The following PHACTR3 variants were observed in gnomAD, a reference collection of about 807,000 sequenced individuals.
The protein encoded by PHACTR3 is phosphatase and actin regulator 3.
A neutral mutation model predicts 66.8 loss-of-function variants in PHACTR3; 16 were observed. The ratio of observed to expected loss-of-function variants is 0.24; its 90% CI spans 0.16 to 0.36. The LOEUF is 0.36. Among genes scored for constraint, PHACTR3 ranks in the 10% least tolerant of loss-of-function variants. PHACTR3 has a pLI of 1.00. For missense variants in PHACTR3, 647 were observed against 719.9 expected, an observed-to-expected ratio of 0.90 and a Z score of 1.16; for synonymous variants, 323 against 292.1, an observed-to-expected ratio of 1.11 and a Z score of -1.08.
intron 1 of PHACTR3, among the ~76,000 whole-genome samples, chr20:59,680,821 G>A (rs1021110814): frequency 1.3e-5 from 2 of 152,194 alleles, no homozygotes; most frequent in Non-Finnish European, 2.9e-5. Context: ...TACAGCCCGT[G>A]TTCCACAGGA....
At chr20:59,605,262 C>G (rs1339274211) in intron 1 of PHACTR3, 130 bp downstream of exon 1, 3 of 564,492 alleles carry the variant, frequency 5.3e-6, no homozygotes, top group Non-Finnish European at 5.3e-6. Flanking sequence ...GCGCTCGGCC[C>G]CGCGGTTCCT....
intron 1 of PHACTR3, among the ~76,000 whole-genome samples, chr20:59,671,954 A>T (rs751565341): frequency 5.3e-5 from 8 of 152,226 alleles, no homozygotes; most frequent in Non-Finnish European, 7.3e-5. Flanking sequence ...AGGCATGAGG[A>T]ATGTGCTGAA....
Position 59,767,478 on chromosome 20 carries a change from T to A in PHACTR3, c.751+83T>A, listed in dbSNP as rs2040218463. ...TATCCTACATTCATCCACCCATCCA[T>A]CATCTATCTATTTATTCACCCATTC... On this transcript the variant is annotated intron_variant, in intron 5 of 12. Transcript: ENST00000371015. 2.1e-6 allele frequency: 3 copies of A among 1,408,202 alleles called. No individual in the cohort carries two copies. The South Asian group carries it at 3.8e-5, about 18-fold the overall frequency. 87.2% of individuals were successfully genotyped at this position (1,408,202 alleles called of 1,614,324 possible).
chr20:59,754,048 A>G (rs2039694743), intron 3 of PHACTR3, among the ~76,000 whole-genome samples: 2 of 152,210 alleles, frequency 1.3e-5, no homozygotes, highest in Non-Finnish European at 1.5e-5. Flanking sequence ...GCCTCCAGGA[A>G]CTGCTGTAGA....
intron 1 of PHACTR3, among the ~76,000 whole-genome samples, chr20:59,678,056 C>T (rs1194026689): frequency 1.3e-5 from 2 of 152,180 alleles, no homozygotes; most frequent in African/African-American, 4.8e-5. Context: ...TGAAAATGCG[C>T]TCTTTCTTCC....
intron 8 of PHACTR3, among the ~76,000 whole-genome samples, chr20:59,810,010 A>G (rs1301227376): frequency 6.6e-6 from 1 of 152,204 alleles, no homozygotes; most frequent in Non-Finnish European, 1.5e-5. Flanking sequence ...CTTTACCTGT[A>G]CCAGTTAATA....
intron 3 of PHACTR3, among the ~76,000 whole-genome samples, chr20:59,754,398 G>C (rs1399152958): frequency 6.6e-6 from 1 of 152,222 alleles, no homozygotes; most frequent in Non-Finnish European, 1.5e-5. Context: ...CCATCCATGG[G>C]TGTGCCCCGT....
intron 1 of PHACTR3, among the ~76,000 whole-genome samples, chr20:59,590,739 C>G (rs1035857439): frequency 2.6e-5 from 4 of 152,132 alleles, no homozygotes; most frequent in Non-Finnish European, 4.4e-5. Flanking sequence ...TGTTCTGCAG[C>G]CTGCGAAGTC....
intron 7 of PHACTR3, among the ~76,000 whole-genome samples, chr20:59,791,344 T>G (rs1034279175): frequency 2.6e-5 from 4 of 152,242 alleles, no homozygotes; most frequent in Non-Finnish European, 5.9e-5. Flanking sequence ...AATAAATTTC[T>G]GTTCAATGTA....
chr20:59,839,699 C>A (rs1488917747), intron 9 of PHACTR3, among the ~76,000 whole-genome samples: 1 of 152,162 alleles, frequency 6.6e-6, no homozygotes, highest in Non-Finnish European at 1.5e-5. Context: ...TTAATAGTCA[C>A]AACTTACCAA....
chr20:59,624,084 A>T (rs2034362022), intron 1 of PHACTR3, among the ~76,000 whole-genome samples: 1 of 152,080 alleles, frequency 6.6e-6, no homozygotes, highest in African/African-American at 2.4e-5. Flanking sequence ...GTGGGGACAT[A>T]AGAGTGGGAA....
At chr20:59,826,682 C>T (rs553306627) in intron 8 of PHACTR3, among the ~76,000 whole-genome samples, 16 of 152,310 alleles carry the variant, frequency 1.1e-4, no homozygotes, top group African/African-American at 3.8e-4. Context: ...CTGCTCTGCA[C>T]ACACAGTCCT....
intron 4 of PHACTR3, among the ~76,000 whole-genome samples, chr20:59,765,164 A>G (rs1437665320): frequency 6.6e-6 from 1 of 152,224 alleles, no homozygotes; most frequent in East Asian, 1.9e-4. Flanking sequence ...TATCAGGGCA[A>G]AACTTACTAA....
chr20:59,603,207 G>A (rs2033530789), upstream of PHACTR3, among the ~76,000 whole-genome samples: 1 of 152,160 alleles, frequency 6.6e-6, no homozygotes, highest in African/African-American at 2.4e-5. Context: ...TCTTATTAGT[G>A]TGTTGGTGAC....
rs544206393 is a variant in PHACTR3, at chr20:59,578,381, T to C, written c.109+764T>C. ...GGTGGAGGAGAGCTAGGCCAGTGTT[T>C]CCGCACTGGCCCTTGGTGAGGATAC... On this transcript the variant is annotated intron_variant, in intron 1 of 12. Coordinates refer to the PHACTR3 transcript ENST00000359926. 2.0e-5 allele frequency among the ~76,000 whole-genome samples: 3 copies of C among 152,168 alleles called. No homozygotes were observed. The South Asian group carries it at 6.2e-4, about 31-fold the overall frequency.
At chr20:59,619,363 A>C (rs1011323458) in intron 1 of PHACTR3, among the ~76,000 whole-genome samples, 4 of 152,108 alleles carry the variant, frequency 2.6e-5, no homozygotes, top group Non-Finnish European at 5.9e-5. Context: ...GACTATGTGG[A>C]AGGGAATGTG....
intron 7 of PHACTR3, among the ~76,000 whole-genome samples, chr20:59,784,183 T>C (rs965212323): frequency 6.6e-6 from 1 of 152,150 alleles, no homozygotes; most frequent in African/African-American, 2.4e-5. Flanking sequence ...GCCTCAAGAC[T>C]GCGGAATCCA....
intron 5 of PHACTR3, among the ~76,000 whole-genome samples, 163 bp from the exon 6 acceptor site, chr20:59,773,116 A>G (rs2040410282): frequency 6.6e-6 from 1 of 152,118 alleles, no homozygotes; most frequent in African/African-American, 2.4e-5. Flanking sequence ...CCTGGCCTCT[A>G]GCTTTGGGAG....
intron 3 of PHACTR3, among the ~76,000 whole-genome samples, chr20:59,754,207 G>A (rs2039702614): frequency 6.6e-6 from 1 of 152,242 alleles, no homozygotes; most frequent in East Asian, 1.9e-4. Flanking sequence ...TCCAAGTGCT[G>A]AGCCCCTCAG....
Sources: allele counts gnomAD v4.1 joint callset (sites outside exome capture counted in the v4.1 genomes callset), GRCh38; gene constraint gnomAD v4.1.1; transcripts MANE v1.5; gene names NCBI Gene and HGNC (gene_info 2026-07-23, HGNC 2026-07-21).